ANKRD44: variants seen among roughly 807,000 people sequenced by gnomAD.
The protein encoded by ANKRD44 is serine/threonine-protein phosphatase 6 regulatory ankyrin repeat subunit B.
ANKRD44 carries 35 observed loss-of-function variants against 116.0 expected under a neutral mutation model. The ratio of observed to expected loss-of-function variants is 0.30; its 90% CI spans 0.23 to 0.40. The LOEUF (loss-of-function observed/expected upper bound fraction) is 0.40. Ranked by LOEUF, ANKRD44 falls within the 10% of genes least tolerant of loss-of-function variation. The pLI, the probability that ANKRD44 is intolerant of heterozygous loss-of-function variation, is 1.00. For missense variants in ANKRD44, 1,014 were observed against 1,242.6 expected (o/e 0.82, Z 2.77); for synonymous variants, 435 against 461.8 (o/e 0.94, Z 0.74).
intron 16 of ANKRD44, chr2:197,029,463 A>G: frequency 2.5e-6 from 1 of 402,358 alleles, no homozygotes; most frequent in Non-Finnish European, 4.8e-6. Context: ...TATGCATGGG[A>G]AGATTTTCTA....
chr2:197,091,439 A>C (rs1046365779), intron 10 of ANKRD44, among the ~76,000 whole-genome samples: 1 of 152,114 alleles, frequency 6.6e-6, no homozygotes, highest in African/African-American at 2.4e-5. Flanking sequence ...TGCAGCTTTG[A>C]CCTCCTTGGG....
intron 1 of ANKRD44, chr2:197,198,945 C>G (rs1306027538): frequency 6.6e-6 from 1 of 152,350 alleles, no homozygotes; most frequent in Non-Finnish European, 1.5e-5. Flanking sequence ...CAGCGCCAGC[C>G]CGACATCGGC....
chr2:196,982,219 G>A (rs2075807122), downstream of ANKRD44, among the ~76,000 whole-genome samples: 2 of 150,764 alleles, frequency 1.3e-5, no homozygotes, highest in South Asian at 4.2e-4. Flanking sequence ...CAGAGACCAG[G>A]GCAGTTTCCA....
intron 10 of ANKRD44, among the ~76,000 whole-genome samples, chr2:197,093,800 T>C (rs2078100544): frequency 1.3e-5 from 2 of 152,190 alleles, no homozygotes; most frequent in Non-Finnish European, 2.9e-5. Flanking sequence ...TTGGCTGTCT[T>C]AGCCAATTAA....
intron 1 of ANKRD44, among the ~76,000 whole-genome samples, chr2:197,238,402 C>G (rs755547434): frequency 6.6e-6 from 1 of 152,156 alleles, no homozygotes; most frequent in African/African-American, 2.4e-5. Context: ...TGAACATTGC[C>G]TAGTCAACTG....
chr2:197,121,023 G>C (rs567135727), intron 8 of ANKRD44, among the ~76,000 whole-genome samples: 4 of 150,644 alleles, frequency 2.7e-5, no homozygotes, highest in Admixed American at 1.3e-4. Context: ...TCTGTCTCCC[G>C]GGTTTAAGCA....
At chr2:197,039,460 T>A (rs779204857) in intron 16 of ANKRD44, among the ~76,000 whole-genome samples, 22 of 152,214 alleles carry the variant, frequency 1.4e-4, no homozygotes, top group Non-Finnish European at 2.1e-4. Context: ...TACAATGAGA[T>A]ACTTCGGCTA....
intron 21 of ANKRD44, among the ~76,000 whole-genome samples, chr2:196,968,711 T>C (rs1256963427): frequency 6.6e-6 from 1 of 152,228 alleles, no homozygotes; most frequent in Non-Finnish European, 1.5e-5. Flanking sequence ...TCCTGGTCAC[T>C]GATCTCACAG....
chr2:197,116,031 C>G (rs576560182), intron 8 of ANKRD44, among the ~76,000 whole-genome samples: 1 of 152,174 alleles, frequency 6.6e-6, no homozygotes, highest in East Asian at 1.9e-4. Flanking sequence ...CAGCAGTCCA[C>G]AGGAAAAAAA....
At chr2:197,005,987 G>A in intron 20 of ANKRD44, 77 bp from the exon 21 acceptor site, 2 of 1,392,968 alleles carry the variant, frequency 1.4e-6, no homozygotes, top group Middle Eastern at 3.6e-4. Flanking sequence ...AGTGAGGCTG[G>A]GCTTAGAGCA....
Position 197,136,635 on chromosome 2 carries a change from A to G in ANKRD44, c.218T>C (p.Met73Thr), listed in dbSNP as rs770284249. The change falls in exon 4 of 28, where the codon ATG becomes ACG. Residue 73 changes from methionine (M) to threonine (T), a missense_variant. Met to Thr is a moderately conservative substitution (Grantham distance 81, BLOSUM62 -1). Coordinates refer to ENST00000282272, the MANE Select transcript of ANKRD44 (RefSeq NM_001195144.2). The part of the protein sequence containing the change: ...SGARVNAKDN[M>T]WLTPLHRAVA... ...AGCCCGGTGCAGTGGAGTCAGCCACATGTTGTCCTTGGCATTTACACGAGC... is the reference window on the plus strand; with the variant it reads ...AGCCCGGTGCAGTGGAGTCAGCCACGTGTTGTCCTTGGCATTTACACGAGC... The G allele has an allele frequency of 1.2e-6, 2 of 1,614,074 alleles. No homozygotes were observed. Among genetic ancestry groups the G allele is most frequent in the South Asian group, 2.2e-5 (2 of 91,088 alleles).
rs190721286 is a variant in ANKRD44, at chr2:197,216,622, G to A, written c.28-29516C>T. Reference sequence around the variant, plus strand: ...TGTGGGAGGAGAGCAAGGGTGGCCCGTTTCTAAGATACTGAGTTCAAAGTG... The same window carrying A: ...TGTGGGAGGAGAGCAAGGGTGGCCCATTTCTAAGATACTGAGTTCAAAGTG... On this transcript the variant is annotated intron_variant, in intron 1 of 27. Coordinates refer to ENST00000282272, the MANE Select transcript of ANKRD44 (RefSeq NM_001195144.2). 5.3e-5 allele frequency among the ~76,000 whole-genome samples: 8 copies of A among 152,220 alleles called. No individual in the cohort carries two copies. The East Asian group carries it at 9.7e-4, about 18-fold the overall frequency.
chr2:197,081,960 A>G (rs2077807910), intron 14 of ANKRD44, among the ~76,000 whole-genome samples: 1 of 152,186 alleles, frequency 6.6e-6, no homozygotes, highest in Admixed American at 6.6e-5. Flanking sequence ...CTTAAGTATC[A>G]GCAATTAAGG....
Position 197,180,310 on chromosome 2 carries a change from A to G in ANKRD44, c.111+6713T>C, listed in dbSNP as rs571572860. Among the ~76,000 whole-genome samples, 3 of 152,340 alleles carry G rather than the reference A, an allele frequency of 2.0e-5. No homozygotes were observed. The South Asian group carries it at 6.2e-4, about 32-fold the overall frequency. On this transcript the variant is annotated intron_variant, in intron 2 of 27. Coordinates refer to ENST00000282272, the MANE Select transcript of ANKRD44 (RefSeq NM_001195144.2). ...TCTTTGGCCTGCACATTGTTAGGTC[A>G]TCTTTTGGAACCGACATTTAACAAT...
chr2:196,979,997 C>T (rs755267790), intron 21 of ANKRD44, among the ~76,000 whole-genome samples: 3 of 152,186 alleles, frequency 2.0e-5, no homozygotes, highest in Non-Finnish European at 4.4e-5. Context: ...GGAAAATGAT[C>T]ATTAATATAC....
At chr2:197,112,141 T>C (rs1380363353) in intron 8 of ANKRD44, among the ~76,000 whole-genome samples, 1 of 152,154 alleles carries the variant, frequency 6.6e-6, no homozygotes, top group East Asian at 1.9e-4. Flanking sequence ...GTATCCCCAA[T>C]AGAGAGAATG....
chr2:197,284,906 T>A lies in ANKRD44; in HGVS notation c.27+25672A>T, dbSNP rs146504642. ...ATCTCAAAAAAAAAAAAATTAAATT[T>A]TTTTTTACATTATTCAATGTTAAGA... On this transcript the variant is annotated intron_variant, in intron 1 of 27. Transcript: ENST00000282272. Among the ~76,000 whole-genome samples the A allele has an allele frequency of 7.2e-3, 1,093 of 151,740 alleles. 19 individuals carry two copies. Among genetic ancestry groups the A allele is most frequent in the African/African-American group, 0.025 (1,032 of 41,354 alleles).
intron 13 of ANKRD44, among the ~76,000 whole-genome samples, chr2:197,085,289 G>A (rs980070589): frequency 2.0e-5 from 3 of 152,052 alleles, no homozygotes; most frequent in African/African-American, 7.2e-5. Flanking sequence ...CTCACGACGG[G>A]GCCCAAAGAT....
At chr2:197,248,576 G>GAATATATATATATATATATATATATATA (rs1553539897) in intron 1 of ANKRD44, among the ~76,000 whole-genome samples, 1 of 110,482 alleles carries the variant, frequency 9.1e-6, no homozygotes, top group African/African-American at 3.0e-5. Flanking sequence ...GTGTGTGTGT[G>GAATATATATATATATATATATATATATA]TGTATATATA....
Sources: allele counts gnomAD v4.1 joint callset (sites outside exome capture counted in the v4.1 genomes callset), GRCh38; gene constraint gnomAD v4.1.1; transcripts MANE v1.5; gene names NCBI Gene and HGNC (gene_info 2026-07-23, HGNC 2026-07-21).